Variants in AGBL1 observed in about 807,000 individuals in gnomAD.
AGBL1 encodes AGBL carboxypeptidase 1.
In AGBL1, 130 loss-of-function variants were observed where a neutral mutation model predicts 118.9. That is an observed-to-expected ratio of 1.09 (90% CI 0.95 to 1.26). The LOEUF (loss-of-function observed/expected upper bound fraction) is 1.26. Among genes scored for constraint, AGBL1 ranks in the 50% most tolerant of loss-of-function variants. The probability of loss-of-function intolerance (pLI) is 0.00; values close to 1 mark genes in which losing one functional copy is unlikely to be tolerated. For synonymous variants in AGBL1, 555 were observed against 478.9 expected (o/e 1.16, Z -2.08); for missense variants, 1,584 against 1,298.1 (o/e 1.22, Z -3.38).
At chr15:86,416,817 T>C (rs979653199) in intron 18 of AGBL1, among the ~76,000 whole-genome samples, 5 of 152,192 alleles carry the variant, frequency 3.3e-5, no homozygotes, top group African/African-American at 1.2e-4. Flanking sequence ...AGTTTTTCAT[T>C]GTATGGAAAA....
chr15:86,894,572 T>C (rs1291751545), intron 22 of AGBL1, among the ~76,000 whole-genome samples: 1 of 152,122 alleles, frequency 6.6e-6, no homozygotes, highest in African/African-American at 2.4e-5. Context: ...GTGAGGCTGT[T>C]TATGAGAATG....
intron 1 of AGBL1, chr15:86,138,355 G>A (rs2076917369): frequency 6.6e-6 from 1 of 152,196 alleles, no homozygotes; most frequent in African/African-American, 2.4e-5. Flanking sequence ...TTTCTCAAGA[G>A]TTATCATTCA....
At chr15:86,223,370 T>C (rs2078308699) in intron 5 of AGBL1, among the ~76,000 whole-genome samples, 1 of 152,182 alleles carries the variant, frequency 6.6e-6, no homozygotes, top group Non-Finnish European at 1.5e-5. Context: ...CTCATTCATT[T>C]TGATGAAATT....
intron 22 of AGBL1, among the ~76,000 whole-genome samples, chr15:86,713,119 A>T (rs1386134078): frequency 2.6e-5 from 4 of 152,066 alleles, no homozygotes; most frequent in Non-Finnish European, 5.9e-5. Flanking sequence ...TCCCTTTCCT[A>T]CTACATAGAA....
At chr15:86,323,476 T>A (rs144606184) in intron 17 of AGBL1, among the ~76,000 whole-genome samples, 2 of 152,138 alleles carry the variant, frequency 1.3e-5, no homozygotes, top group African/African-American at 4.8e-5. Context: ...GTATTGTGCA[T>A]TGTCATGTTA....
intron 17 of AGBL1, among the ~76,000 whole-genome samples, chr15:86,345,171 C>T (rs1031652081): frequency 4.6e-5 from 7 of 151,920 alleles, no homozygotes; most frequent in Non-Finnish European, 1.0e-4. Flanking sequence ...CTTATTTTAC[C>T]TGCAGGAAAC....
chr15:86,398,866 T>G (rs2081404729), intron 18 of AGBL1, among the ~76,000 whole-genome samples: 1 of 151,960 alleles, frequency 6.6e-6, no homozygotes, highest in Non-Finnish European at 1.5e-5. Context: ...GGAAAGCAAA[T>G]AAAAGCTACA....
At chr15:86,704,261 T>C (rs1438193157) in intron 22 of AGBL1, among the ~76,000 whole-genome samples, 2 of 151,976 alleles carry the variant, frequency 1.3e-5, no homozygotes, top group Non-Finnish European at 2.9e-5. Flanking sequence ...CAAAAGCAAT[T>C]GCAACAAAAG....
intron 6 of AGBL1, among the ~76,000 whole-genome samples, chr15:86,236,881 A>G (rs1253960176): frequency 7.4e-6 from 1 of 134,556 alleles, no homozygotes; most frequent in African/African-American, 2.8e-5. Flanking sequence ...TAGCCTTTTA[A>G]TATGCAAATA....
chr15:86,314,146 G>T (rs932094048), intron 17 of AGBL1, among the ~76,000 whole-genome samples: 1 of 152,204 alleles, frequency 6.6e-6, no homozygotes, highest in Admixed American at 6.5e-5. Flanking sequence ...TATGCCCAAG[G>T]GTATTTTAGG....
intron 21 of AGBL1, among the ~76,000 whole-genome samples, chr15:86,651,991 G>A (rs565082199): frequency 6.6e-6 from 1 of 152,204 alleles, no homozygotes; most frequent in East Asian, 1.9e-4. Context: ...TTTTTCTACA[G>A]TCCAACTGGA....
chr15:86,247,636 C>T (rs759052200), intron 6 of AGBL1, 35 bp from the exon 7 acceptor site: 4 of 1,555,988 alleles, frequency 2.6e-6, no homozygotes, highest in South Asian at 1.2e-5. Context: ...CTGTGGAGAG[C>T]CTGTGACTGA....
intron 16 of AGBL1, among the ~76,000 whole-genome samples, chr15:86,294,436 A>C (rs1597693956): frequency 1.4e-5 from 2 of 145,812 alleles, no homozygotes; most frequent in African/African-American, 5.1e-5. Context: ...AGGATTGTTC[A>C]CCAGGTGTCC....
At chr15:86,798,895 G>T (rs1198379954) in intron 22 of AGBL1, among the ~76,000 whole-genome samples, 1 of 151,954 alleles carries the variant, frequency 6.6e-6, no homozygotes, top group African/African-American at 2.4e-5. Context: ...CCTCCTGAAT[G>T]AGGAGACTTT....
intron 18 of AGBL1, among the ~76,000 whole-genome samples, chr15:86,494,006 C>G (rs2082816151): frequency 6.6e-6 from 1 of 152,026 alleles, no homozygotes. Context: ...TCCCAAACCT[C>G]TCCCTTTCGC....
intron 22 of AGBL1, among the ~76,000 whole-genome samples, chr15:86,860,832 A>G (rs1488975896): frequency 1.3e-5 from 2 of 152,038 alleles, no homozygotes; most frequent in Non-Finnish European, 2.9e-5. Flanking sequence ...GGAAATCTAT[A>G]TTCTGCTTGC....
intron 18 of AGBL1, among the ~76,000 whole-genome samples, chr15:86,475,870 G>T (rs1312615352): frequency 6.6e-6 from 1 of 152,216 alleles, no homozygotes; most frequent in Non-Finnish European, 1.5e-5. Context: ...ACTAACAGCG[G>T]ATCTCTCAGC....
intron 20 of AGBL1, among the ~76,000 whole-genome samples, chr15:86,553,019 T>G (rs1390904507): frequency 6.6e-6 from 1 of 152,106 alleles, no homozygotes; most frequent in African/African-American, 2.4e-5. Context: ...AGTAAGAGAT[T>G]TGCTCAATGT....
At chr15:86,762,289 G>GT (rs1327040709) in intron 22 of AGBL1, among the ~76,000 whole-genome samples, 1 of 151,910 alleles carries the variant, frequency 6.6e-6, no homozygotes. Context: ...TAGGTGACAG[G>GT]TTGACAGGTG....
Sources: allele counts gnomAD v4.1 joint callset (sites outside exome capture counted in the v4.1 genomes callset), GRCh38; gene constraint gnomAD v4.1.1; transcripts MANE v1.5; gene names NCBI Gene and HGNC (gene_info 2026-07-23, HGNC 2026-07-21).